ZCCHC7: variants seen among roughly 807,000 people sequenced by gnomAD.
ZCCHC7 encodes the protein zinc finger CCHC domain-containing protein 7.
A neutral mutation model predicts 52.0 loss-of-function variants in ZCCHC7; 35 were observed. That is an observed-to-expected ratio of 0.67 (90% CI 0.51 to 0.89). ZCCHC7 has a LOEUF of 0.89. Ranked by LOEUF, ZCCHC7 falls within the 40% of genes least tolerant of loss-of-function variation. ZCCHC7 has a pLI of 0.00. For missense variants in ZCCHC7, 574 were observed against 649.1 expected (o/e 0.88, Z 1.26); for synonymous variants, 217 against 221.5 (o/e 0.98, Z 0.18).
chr9:37,217,702 A>C (rs1003894903), intron 2 of ZCCHC7, among the ~76,000 whole-genome samples: 2 of 152,184 alleles, frequency 1.3e-5, no homozygotes, highest in Non-Finnish European at 2.9e-5. Flanking sequence ...TGCTATTTTA[A>C]ATTTCCAACA....
intron 2 of ZCCHC7, chr9:37,205,464 C>T (rs1823854637): frequency 6.5e-6 from 1 of 153,292 alleles, no homozygotes; most frequent in African/African-American, 2.4e-5. Context: ...TAATATTTCA[C>T]AGCTTAGATG....
chr9:37,297,138 A>G (rs907017761), intron 2 of ZCCHC7, among the ~76,000 whole-genome samples: 3 of 152,192 alleles, frequency 2.0e-5, no homozygotes, highest in African/African-American at 7.2e-5. Context: ...TGCTTTTTAA[A>G]TAGCTCATTT....
chr9:37,143,564 G>T (rs955702838), intron 2 of ZCCHC7, among the ~76,000 whole-genome samples: 1 of 151,446 alleles, frequency 6.6e-6, no homozygotes, highest in African/African-American at 2.4e-5. Flanking sequence ...AACAGAATGA[G>T]AATTGGGAAA....
chr9:37,281,050 A>G (rs950285392), intron 2 of ZCCHC7, among the ~76,000 whole-genome samples: 5 of 152,210 alleles, frequency 3.3e-5, no homozygotes, highest in African/African-American at 1.2e-4. Context: ...CATAAATTGT[A>G]TGATACTAAC....
At chr9:37,154,739 T>C (rs1820718260) in intron 2 of ZCCHC7, among the ~76,000 whole-genome samples, 3 of 152,030 alleles carry the variant, frequency 2.0e-5, no homozygotes, top group African/African-American at 7.2e-5. Context: ...AAGCCATCTA[T>C]CTGCCTCTGC....
At chr9:37,248,648 C>T (rs1826183445) in intron 2 of ZCCHC7, among the ~76,000 whole-genome samples, 1 of 152,104 alleles carries the variant, frequency 6.6e-6, no homozygotes, top group Non-Finnish European at 1.5e-5. Flanking sequence ...ATAGCTGAAA[C>T]CTGTTAGGTG....
chr9:37,196,647 A>T (rs1220635535), intron 2 of ZCCHC7, among the ~76,000 whole-genome samples: 1 of 152,184 alleles, frequency 6.6e-6, no homozygotes, highest in Non-Finnish European at 1.5e-5. Context: ...TTAATGTAGT[A>T]ATCAGATTTA....
chr9:37,196,870 A>T (rs988134423), intron 2 of ZCCHC7, among the ~76,000 whole-genome samples: 14 of 152,274 alleles, frequency 9.2e-5, no homozygotes, highest in Non-Finnish European at 1.8e-4. Flanking sequence ...AGTAGAAATT[A>T]AAAAAATTGG....
intron 2 of ZCCHC7, among the ~76,000 whole-genome samples, chr9:37,247,764 C>T (rs1212472590): frequency 6.6e-6 from 1 of 151,822 alleles, no homozygotes; most frequent in East Asian, 1.9e-4. Flanking sequence ...AAAATAAAAA[C>T]AATTAGCTGG....
intron 2 of ZCCHC7, among the ~76,000 whole-genome samples, chr9:37,181,617 A>G (rs1822358718): frequency 6.6e-6 from 1 of 152,218 alleles, no homozygotes; most frequent in Non-Finnish European, 1.5e-5. Flanking sequence ...TGAGACACCA[A>G]AGGCCACAAA....
At chr9:37,225,299 T>C (rs2133282452) in intron 2 of ZCCHC7, among the ~76,000 whole-genome samples, 2 of 152,302 alleles carry the variant, frequency 1.3e-5, no homozygotes, top group South Asian at 4.1e-4. Context: ...AGAAGGTGAA[T>C]TGTTAGATTA....
At chr9:37,140,161 T>A (rs1213530177) in intron 2 of ZCCHC7, among the ~76,000 whole-genome samples, 2 of 151,996 alleles carry the variant, frequency 1.3e-5, no homozygotes, top group African/African-American at 4.8e-5. Context: ...TAGCCAGTTT[T>A]TAGTATTAAA....
intron 1 of ZCCHC7, among the ~76,000 whole-genome samples, chr9:37,122,153 A>G (rs539598246): frequency 6.6e-6 from 1 of 152,358 alleles, no homozygotes; most frequent in East Asian, 1.9e-4. Flanking sequence ...AGTAAATAAG[A>G]GCAAAAGGTC....
At chr9:37,147,479 A>G (rs1843485815) in intron 2 of ZCCHC7, 1 of 151,942 alleles carries the variant, frequency 6.6e-6, no homozygotes, top group Non-Finnish European at 1.5e-5. Flanking sequence ...AAAATTAAAA[A>G]TAAGAGTGGG....
chr9:37,273,852 AT>A (rs907729847), intron 2 of ZCCHC7, among the ~76,000 whole-genome samples: 5 of 151,844 alleles, frequency 3.3e-5, no homozygotes, highest in Admixed American at 6.6e-5. Context: ...ATATGTGGGA[AT>A]TTTTTTTATA....
intron 5 of ZCCHC7, among the ~76,000 whole-genome samples, chr9:37,325,117 A>T (rs1270638055): frequency 6.6e-6 from 1 of 152,254 alleles, no homozygotes; most frequent in Admixed American, 6.5e-5. Context: ...GAATTTTATG[A>T]ATAATAACAC....
intron 6 of ZCCHC7, among the ~76,000 whole-genome samples, chr9:37,346,643 C>T (rs545683742): frequency 6.6e-6 from 1 of 152,210 alleles, no homozygotes; most frequent in African/African-American, 2.4e-5. Flanking sequence ...CTGCTGCACT[C>T]CAGCCTGAGC....
intron 1 of ZCCHC7, among the ~76,000 whole-genome samples, chr9:37,122,771 T>C (rs1357975481): frequency 6.6e-6 from 1 of 152,200 alleles, no homozygotes; most frequent in Non-Finnish European, 1.5e-5. Flanking sequence ...AACCCGTCTC[T>C]GCTAAGAATA....
intron 2 of ZCCHC7, among the ~76,000 whole-genome samples, chr9:37,127,774 A>G (rs1842605898): frequency 6.6e-6 from 1 of 152,194 alleles, no homozygotes; most frequent in Admixed American, 6.5e-5. Context: ...CTGCTTCCCT[A>G]GAAATGATGA....
Sources: gnomAD v4.1 joint callset for allele counts (sites outside exome capture counted in the v4.1 genomes callset) on GRCh38, gnomAD v4.1.1 for gene constraint, MANE v1.5 for transcripts, NCBI Gene and HGNC (gene_info 2026-07-23, HGNC 2026-07-21) for gene names.